VPS37C: variants seen among roughly 807,000 people sequenced by gnomAD.
The protein encoded by VPS37C is vacuolar protein sorting-associated protein 37C.
VPS37C carries 9 observed loss-of-function variants against 16.1 expected under a neutral mutation model. That is an observed-to-expected ratio of 0.56 (90% confidence interval 0.34 to 0.97). The LOEUF (loss-of-function observed/expected upper bound fraction) is 0.97. Ranked by LOEUF, VPS37C falls within the 50% of genes least tolerant of loss-of-function variation. The pLI is 0.02. For synonymous variants in VPS37C, 207 were observed against 206.4 expected (o/e 1.00, Z -0.02); for missense variants, 479 against 472.7 (o/e 1.01, Z -0.12).
At position 61,140,005 on chromosome 11, in the gene VPS37C, G is replaced by C. The variant is rs112677062; in HGVS notation, c.-6-1170C>G. 4.5e-3 allele frequency among the ~76,000 whole-genome samples: 689 copies of C among 152,168 alleles called. 4 individuals carry two copies. The highest frequency in any genetic ancestry group is 0.016 in the African/African-American group (657 of 41,522). On this transcript the variant is annotated intron_variant, in intron 1 of 4. Coordinates refer to ENST00000301765, the MANE Select transcript of VPS37C (RefSeq NM_017966.5). The stretch of plus-strand genomic sequence containing the variant: ...CAATTCTCCTGCCTTGGCCTCCCAA[G>C]GTGCTGGGATTACAGGTGTGTGCCA...
At chr11:61,133,919 C>T in intron 3 of VPS37C, 117 bp downstream of exon 3, 1 of 1,255,954 alleles carries the variant, frequency 8.0e-7, no homozygotes, top group Non-Finnish European at 1.1e-6. Context: ...CAGTACCCAC[C>T]CTTCTATGGC....
intron 1 of VPS37C, among the ~76,000 whole-genome samples, chr11:61,157,667 G>A (rs1182229787): frequency 6.6e-6 from 1 of 152,086 alleles, no homozygotes; most frequent in Non-Finnish European, 1.5e-5. Context: ...AGCTGAATTA[G>A]CTATACTAAT....
chr11:61,134,222 C>A lies in VPS37C; in HGVS notation c.94-15G>T, dbSNP rs201650840. 5.0e-6 allele frequency: 8 copies of A among 1,600,610 alleles called. No homozygotes were observed. The Admixed American group carries it at 1.0e-4, about 20-fold the overall frequency. ...AGGTCCTGGACCTAAAAGGGCAGGA[C>A]AACAGAACCTAAGGAAAACGTCCAT... is the stretch of plus-strand genomic sequence containing the variant. On this transcript the variant is annotated splice_polypyrimidine_tract_variant and intron_variant, in intron 2 of 4. Transcript: ENST00000301765.
Position 61,131,241 on chromosome 11 carries a change from C to T in VPS37C, c.*579G>A, listed in dbSNP as rs1018393365. On this transcript the variant is annotated 3_prime_UTR_variant, in exon 5 of 5. Coordinates refer to ENST00000301765, the MANE Select transcript of VPS37C (RefSeq NM_017966.5). ...GGACAAGCTTGTCTGACATCAGCTA[C>T]TGGAGTTAAATTATGGCTTTATAGG... The T allele has an allele frequency of 3.5e-5, 6 of 170,500 alleles. No individual in the cohort carries two copies. Among genetic ancestry groups the T allele is most frequent in the Non-Finnish European group, 7.4e-5 (6 of 80,946 alleles). 10.6% of individuals were successfully genotyped at this position (170,500 alleles called of 1,614,324 possible). A position where few individuals can be genotyped will look rare whatever the true frequency, so the allele number is the denominator to read the frequency against.
chr11:61,154,931 C>G (rs1853355688), intron 1 of VPS37C, among the ~76,000 whole-genome samples: 1 of 151,886 alleles, frequency 6.6e-6, no homozygotes, highest in Non-Finnish European at 1.5e-5. Flanking sequence ...ATAGTGAGAC[C>G]CTGTCTCTAC....
rs147206406 is a variant in VPS37C, at chr11:61,158,690, G to A, written c.-7+2701C>T. Among the ~76,000 whole-genome samples, 160 of 152,296 alleles carry A rather than the reference G, an allele frequency of 1.1e-3. 1 individual carries two copies. The highest frequency in any genetic ancestry group is 0.01 in the Middle Eastern group (3 of 294). On this transcript the variant is annotated intron_variant, in intron 1 of 4. Transcript: ENST00000301765. ...GCCTACCTGCCTGAGCTATCTGTTT[G>A]AGGTTCACTGGGGAGACTCTCTCTC...
rs566165673 is a variant in VPS37C, at chr11:61,136,197, G to A, written c.94-1990C>T. On this transcript the variant is annotated intron_variant, in intron 2 of 4. Transcript: ENST00000301765. ...TTTTTTTTTTTTGAGACAGAGTTTC[G>A]CTCTGTTGCCCAGGCTGGAGTGCAA... is the stretch of plus-strand genomic sequence containing the variant. 2.2e-4 allele frequency among the ~76,000 whole-genome samples: 28 copies of A among 127,154 alleles called. No individual in the cohort carries two copies. The East Asian group carries it at 2.9e-3, about 13-fold the overall frequency. 83.4% of individuals were successfully genotyped at this position (127,154 alleles called of 152,430 possible).
At chr11:61,135,852 C>T (rs1212465071) in intron 2 of VPS37C, among the ~76,000 whole-genome samples, 1 of 152,232 alleles carries the variant, frequency 6.6e-6, no homozygotes, top group Admixed American at 6.5e-5. Flanking sequence ...AGGTCCACTG[C>T]CTTTTCCCTG....
At chr11:61,145,275 C>G (rs1288562131) in intron 1 of VPS37C, 1 of 152,236 alleles carries the variant, frequency 6.6e-6, no homozygotes, top group Non-Finnish European at 1.5e-5. Context: ...ATCTTTGCCC[C>G]ACCTGCTCGG....
intron 1 of VPS37C, among the ~76,000 whole-genome samples, chr11:61,152,405 G>A (rs531119029): frequency 6.6e-6 from 1 of 152,248 alleles, no homozygotes; most frequent in East Asian, 1.9e-4. Context: ...ATCAAACAAA[G>A]GGTGGCAAAG....
chr11:61,142,975 TAAA>T lies in VPS37C; in HGVS notation c.-6-4143_-6-4141del. Among the ~76,000 whole-genome samples, 462 of 47,580 alleles carry T rather than the reference TAAA, an allele frequency of 9.7e-3. 1 individual carries two copies. The highest frequency in any genetic ancestry group is 0.033 in the African/African-American group (443 of 13,344). The allele number at this position is 47,580 out of a possible 152,430, so 31.2% of individuals were successfully genotyped here. A position where few individuals can be genotyped will look rare whatever the true frequency, so the allele number is the denominator to read the frequency against. ...ATAATAAAAAAAAAAAAAGAATAGC[TAAA>T]AAAAAAAAAAAAAAAAAAAAAGAGA... On this transcript the variant is annotated intron_variant, in intron 1 of 4. Transcript: ENST00000301765.
chr11:61,136,033 G>A (rs1042071895), intron 2 of VPS37C, among the ~76,000 whole-genome samples: 1 of 152,132 alleles, frequency 6.6e-6, no homozygotes, highest in African/African-American at 2.4e-5. Flanking sequence ...AGCTGAGTAG[G>A]GTGACTATGG....
chr11:61,135,174 A>C (rs1590784504), intron 2 of VPS37C, among the ~76,000 whole-genome samples: 1 of 152,310 alleles, frequency 6.6e-6, no homozygotes, highest in East Asian at 1.9e-4. Context: ...CATGTGACAG[A>C]CCAAGCCAGA....
chr11:61,151,429 G>A (rs1283649911), intron 1 of VPS37C, among the ~76,000 whole-genome samples: 1 of 152,202 alleles, frequency 6.6e-6, no homozygotes, highest in Non-Finnish European at 1.5e-5. Flanking sequence ...GAGACCCAGG[G>A]ATTAAAGGCT....
intron 4 of VPS37C, chr11:61,132,864 G>A (rs545711707): frequency 7.4e-6 from 4 of 539,364 alleles, no homozygotes; most frequent in South Asian, 6.2e-5. Context: ...GACTGGGAGG[G>A]CCTAGAAGCT....
intron 1 of VPS37C, among the ~76,000 whole-genome samples, chr11:61,141,656 C>A (rs1330352263): frequency 6.6e-6 from 1 of 152,224 alleles, no homozygotes; most frequent in African/African-American, 2.4e-5. Flanking sequence ...ATAAGACTCA[C>A]AACAGCCCCT....
chr11:61,147,280 C>A (rs1853226770), intron 1 of VPS37C, among the ~76,000 whole-genome samples: 1 of 152,192 alleles, frequency 6.6e-6, no homozygotes, highest in African/African-American at 2.4e-5. Flanking sequence ...AGGCTGAACT[C>A]GCTGGAGCTT....
intron 1 of VPS37C, among the ~76,000 whole-genome samples, chr11:61,152,004 C>T (rs944140189): frequency 1.3e-5 from 2 of 152,182 alleles, no homozygotes; most frequent in Non-Finnish European, 2.9e-5. Flanking sequence ...GAAAGGATTT[C>T]AATCTGCAGC....
At position 61,138,778 on chromosome 11, in the gene VPS37C, C is replaced by T. The variant is rs766003264; in HGVS notation, c.52G>A (p.Asp18Asn). 3 of 1,614,152 alleles carry T rather than the reference C, an allele frequency of 1.9e-6. No individual in the cohort carries two copies. The highest frequency in any genetic ancestry group is 1.1e-5 in the South Asian group (1 of 91,068). ...GCCAGCTGGTCAATCGCCTCCGAGT[C>T]ATTCTGCAACTCCTCCAGCTCCTGC... ...TLQELEELQN[D>N]SEAIDQLALE... The change falls in exon 2 of 5, where the codon GAC becomes AAC. Residue 18 changes from aspartate (D) to asparagine (N), a missense_variant. Physicochemically the swap from Asp to Asn is conservative, Grantham distance 23 (BLOSUM62 1). Transcript: ENST00000301765.
Sources: allele counts gnomAD v4.1 joint callset (sites outside exome capture counted in the v4.1 genomes callset), GRCh38; gene constraint gnomAD v4.1.1; transcripts MANE v1.5; gene names NCBI Gene and HGNC (gene_info 2026-07-23, HGNC 2026-07-21).